RIT2: variants seen among roughly 807,000 people sequenced by gnomAD.
RIT2 encodes Ras like without CAAX 2, also known as GTP-binding protein Rit2.
A neutral mutation model predicts 23.7 loss-of-function variants in RIT2; 24 were observed. The observed-to-expected ratio is 1.01, with a 90% CI of 0.73 to 1.43. The LOEUF is 1.43. Ranked by LOEUF, RIT2 falls within the 40% of genes most tolerant of loss-of-function variation. The pLI, the probability that RIT2 is intolerant of heterozygous loss-of-function variation, is 0.00. For missense variants in RIT2, 236 were observed against 266.9 expected (o/e 0.88, Z 0.81); for synonymous variants, 107 against 91.1 (o/e 1.17, Z -0.99).
At chr18:42,959,072 G>T (rs1424344536) in intron 3 of RIT2, among the ~76,000 whole-genome samples, 1 of 152,070 alleles carries the variant, frequency 6.6e-6, no homozygotes, top group Non-Finnish European at 1.5e-5. Flanking sequence ...AAATAGTTTA[G>T]TTTTACATCT....
At chr18:42,745,776 C>G (rs1015329525) in intron 4 of RIT2, among the ~76,000 whole-genome samples, 2 of 152,098 alleles carry the variant, frequency 1.3e-5, no homozygotes, top group African/African-American at 4.8e-5. Flanking sequence ...TGGTATGACA[C>G]TGTATAACGT....
chr18:42,922,601 A>G (rs1035768854), intron 4 of RIT2, among the ~76,000 whole-genome samples: 153 of 152,288 alleles, frequency 1.0e-3, no homozygotes, highest in African/African-American at 3.4e-3. Flanking sequence ...GAACCAGGGC[A>G]ACTGATTTAT....
At chr18:42,955,334 A>T (rs1441099339) in intron 3 of RIT2, among the ~76,000 whole-genome samples, 1 of 152,144 alleles carries the variant, frequency 6.6e-6, no homozygotes, top group Admixed American at 6.6e-5. Flanking sequence ...AAGATAACAA[A>T]CCAAACACAC....
chr18:42,835,113 T>A (rs1319536895), intron 4 of RIT2, among the ~76,000 whole-genome samples: 1 of 152,070 alleles, frequency 6.6e-6, no homozygotes, highest in Non-Finnish European at 1.5e-5. Flanking sequence ...CTAACTAGAG[T>A]AAGATTTCAG....
chr18:43,027,986 T>C (rs544909841), intron 2 of RIT2, among the ~76,000 whole-genome samples: 131 of 152,226 alleles, frequency 8.6e-4, no homozygotes, highest in African/African-American at 3.0e-3. Context: ...CTAATAAACA[T>C]GCACTGTGTG....
chr18:42,894,860 T>C (rs1908280511), intron 4 of RIT2, among the ~76,000 whole-genome samples: 1 of 152,238 alleles, frequency 6.6e-6, no homozygotes, highest in Non-Finnish European at 1.5e-5. Flanking sequence ...CTAACCATAA[T>C]TGCTCTATGC....
chr18:42,755,916 G>GA (rs1913151828), intron 4 of RIT2, among the ~76,000 whole-genome samples: 1 of 152,128 alleles, frequency 6.6e-6, no homozygotes, highest in African/African-American at 2.4e-5. Context: ...TCCTGAGACA[G>GA]GGAGCCTTAA....
intron 4 of RIT2, among the ~76,000 whole-genome samples, chr18:42,873,663 C>T: frequency 6.6e-6 from 1 of 151,902 alleles, no homozygotes; most frequent in East Asian, 1.9e-4. Context: ...ACGGAAGAAA[C>T]AGCATTTTTC....
At chr18:42,865,332 A>G (rs1442095682) in intron 4 of RIT2, among the ~76,000 whole-genome samples, 3 of 152,160 alleles carry the variant, frequency 2.0e-5, no homozygotes, top group African/African-American at 7.2e-5. Context: ...CTGCAAATCC[A>G]AGCCCATCTG....
At chr18:42,959,568 C>A (rs770498132) in intron 3 of RIT2, among the ~76,000 whole-genome samples, 8 of 152,144 alleles carry the variant, frequency 5.3e-5, no homozygotes, top group Non-Finnish European at 1.0e-4. Context: ...GACTTCCATT[C>A]AATTTTGAAA....
At chr18:42,936,840 C>T (rs1242079097) in intron 3 of RIT2, among the ~76,000 whole-genome samples, 1 of 151,938 alleles carries the variant, frequency 6.6e-6, no homozygotes, top group Non-Finnish European at 1.5e-5. Context: ...GGTAAAACCC[C>T]GTCTCTACTA....
chr18:43,098,884 C>T (rs1050577528), intron 1 of RIT2, among the ~76,000 whole-genome samples: 16 of 151,810 alleles, frequency 1.1e-4, no homozygotes, highest in Non-Finnish European at 1.6e-4. Flanking sequence ...ACATACTATA[C>T]GAAACAAACC....
intron 4 of RIT2, among the ~76,000 whole-genome samples, chr18:42,890,275 T>TA (rs955745582): frequency 3.3e-4 from 50 of 151,370 alleles, no homozygotes; most frequent in Admixed American, 9.9e-4. Flanking sequence ...CATCCTATTA[T>TA]AAAAAAAAAT....
At chr18:42,956,476 A>G (rs545469301) in intron 3 of RIT2, among the ~76,000 whole-genome samples, 13 of 152,334 alleles carry the variant, frequency 8.5e-5, no homozygotes, top group South Asian at 4.1e-4. Flanking sequence ...GGTTAGAGAT[A>G]AATGAAACAT....
In RIT2 at chr18:42,807,612, C is replaced by T. The variant is rs139192669; in HGVS notation, c.427-63892G>A. On this transcript the variant is annotated intron_variant, in intron 4 of 4. Coordinates refer to ENST00000326695, the MANE Select transcript of RIT2 (RefSeq NM_002930.4). ...AGCCTGGGTGGCAAGAGCGAAACTC[C>T]GTCTCAAACAAAAACAAAACAAAAC... 6.9e-3 allele frequency among the ~76,000 whole-genome samples: 1,044 copies of T among 152,144 alleles called. 13 individuals carry two copies. Among genetic ancestry groups the T allele is most frequent in the African/African-American group, 0.024 (994 of 41,494 alleles).
intron 4 of RIT2, among the ~76,000 whole-genome samples, chr18:42,786,466 T>G (rs1913924424): frequency 6.6e-6 from 1 of 152,178 alleles, no homozygotes; most frequent in Non-Finnish European, 1.5e-5. Context: ...TGATAGAAAT[T>G]AAAATAAAAT....
At chr18:43,102,524 CAT>C (rs1196548834) in intron 1 of RIT2, among the ~76,000 whole-genome samples, 1 of 129,314 alleles carries the variant, frequency 7.7e-6, no homozygotes, top group Non-Finnish European at 1.6e-5. Flanking sequence ...GGAAATAAAA[CAT>C]GAGCTATTTT....
chr18:42,791,779 A>C (rs528473169), intron 4 of RIT2, among the ~76,000 whole-genome samples: 4 of 152,002 alleles, frequency 2.6e-5, no homozygotes, highest in African/African-American at 7.3e-5. Flanking sequence ...CAATGGTTCA[A>C]TCTTTCTTCT....
intron 4 of RIT2, among the ~76,000 whole-genome samples, chr18:42,791,269 A>G (rs888357214): frequency 9.2e-5 from 14 of 152,192 alleles, no homozygotes; most frequent in Non-Finnish European, 1.9e-4. Flanking sequence ...GACAAATCCT[A>G]AAGTGCTGCC....
Sources: allele counts gnomAD v4.1 joint callset (sites outside exome capture counted in the v4.1 genomes callset), GRCh38; gene constraint gnomAD v4.1.1; transcripts MANE v1.5; gene names NCBI Gene and HGNC (gene_info 2026-07-23, HGNC 2026-07-21).